Variants in MAPKAP1 observed in about 807,000 individuals in gnomAD.
The protein encoded by MAPKAP1 is MAPK associated protein 1, also known as target of rapamycin complex 2 subunit MAPKAP1.
MAPKAP1 carries 20 observed loss-of-function variants against 65.7 expected under a neutral mutation model. The ratio of observed to expected loss-of-function variants is 0.30; its 90% CI spans 0.21 to 0.44. The LOEUF (loss-of-function observed/expected upper bound fraction) is 0.44. Among genes scored for constraint, MAPKAP1 ranks in the 20% least tolerant of loss-of-function variants. MAPKAP1 has a pLI of 1.00. For synonymous variants in MAPKAP1, 222 were observed against 244.3 expected, an observed-to-expected ratio of 0.91 and a Z score of 0.85; for missense variants, 423 against 648.0, an observed-to-expected ratio of 0.65 and a Z score of 3.77.
chr9:125,642,901 T>C (rs1007272510), intron 4 of MAPKAP1, among the ~76,000 whole-genome samples: 2 of 151,966 alleles, frequency 1.3e-5, no homozygotes, highest in Non-Finnish European at 2.9e-5. Flanking sequence ...ATAATATATA[T>C]GCCTTTTTTT....
At chr9:125,590,776 T>C (rs377609625) in intron 4 of MAPKAP1, among the ~76,000 whole-genome samples, 1 of 152,036 alleles carries the variant, frequency 6.6e-6, no homozygotes, top group East Asian at 1.9e-4. Context: ...TAGGGTTCTA[T>C]CATAACTTTT....
chr9:125,692,944 A>T (rs1564619506), intron 1 of MAPKAP1, among the ~76,000 whole-genome samples: 1 of 152,210 alleles, frequency 6.6e-6, no homozygotes, highest in Non-Finnish European at 1.5e-5. Flanking sequence ...AAAGGTAACT[A>T]ACCTACATTT....
intron 8 of MAPKAP1, among the ~76,000 whole-genome samples, chr9:125,491,042 G>A (rs1176260804): frequency 6.6e-6 from 1 of 151,774 alleles, no homozygotes; most frequent in Non-Finnish European, 1.5e-5. Flanking sequence ...GGAGGCTGAG[G>A]CAGGAGAATC....
chr9:125,543,604 A>G (rs938206388), intron 6 of MAPKAP1, among the ~76,000 whole-genome samples: 3 of 152,210 alleles, frequency 2.0e-5, no homozygotes, highest in Non-Finnish European at 4.4e-5. Context: ...AAGTAAGTGC[A>G]TACTGAGGTG....
At chr9:125,663,192 A>G (rs1428191996) in intron 3 of MAPKAP1, among the ~76,000 whole-genome samples, 1 of 152,176 alleles carries the variant, frequency 6.6e-6, no homozygotes, top group Non-Finnish European at 1.5e-5. Context: ...GAACCCCACT[A>G]CTGACTTCTC....
chr9:125,472,262 G>C (rs149586461), intron 9 of MAPKAP1, among the ~76,000 whole-genome samples: 72 of 152,298 alleles, frequency 4.7e-4, no homozygotes, highest in Admixed American at 1.2e-3. Flanking sequence ...TTCAAACCCA[G>C]AGCTGCCTGG....
intron 7 of MAPKAP1, among the ~76,000 whole-genome samples, chr9:125,534,515 G>A (rs1168380758): frequency 6.6e-6 from 1 of 152,168 alleles, no homozygotes; most frequent in Non-Finnish European, 1.5e-5. Context: ...CCGATGAGTA[G>A]CTTCTACTCT....
At chr9:125,534,673 T>C (rs750972976) in intron 7 of MAPKAP1, among the ~76,000 whole-genome samples, 3 of 152,228 alleles carry the variant, frequency 2.0e-5, no homozygotes, top group Non-Finnish European at 2.9e-5. Flanking sequence ...TGATTATATA[T>C]TGCCCTTCTT....
chr9:125,653,357 G>A (rs1055667562), intron 4 of MAPKAP1, among the ~76,000 whole-genome samples: 1 of 152,190 alleles, frequency 6.6e-6, no homozygotes, highest in African/African-American at 2.4e-5. Context: ...TAAGTTTGAC[G>A]AAAAGTGGAA....
chr9:125,690,477 G>C (rs538517534), intron 1 of MAPKAP1, among the ~76,000 whole-genome samples: 6 of 152,340 alleles, frequency 3.9e-5, no homozygotes, highest in Admixed American at 2.0e-4. Flanking sequence ...CCTGGCATTC[G>C]TGGTGGGACC....
chr9:125,482,123 ACT>A (rs1472212129), intron 9 of MAPKAP1, among the ~76,000 whole-genome samples: 2 of 116,384 alleles, frequency 1.7e-5, no homozygotes, highest in African/African-American at 6.4e-5. Context: ...CAAAAGCAAA[ACT>A]CTGTCTAAAA....
At chr9:125,542,304 C>T (rs567916470) in intron 7 of MAPKAP1, among the ~76,000 whole-genome samples, 5 of 152,310 alleles carry the variant, frequency 3.3e-5, no homozygotes, top group Admixed American at 1.3e-4. Context: ...TTTTCTTCAA[C>T]CCCAGCAATG....
At chr9:125,518,277 G>T (rs1375463130) in intron 7 of MAPKAP1, among the ~76,000 whole-genome samples, 3 of 152,214 alleles carry the variant, frequency 2.0e-5, no homozygotes, top group Admixed American at 6.5e-5. Context: ...TATGGTTGTT[G>T]TAAGAATAAG....
intron 5 of MAPKAP1, among the ~76,000 whole-genome samples, chr9:125,580,136 CAAGGATCT>C (rs1488253534): frequency 2.0e-5 from 3 of 152,154 alleles, no homozygotes; most frequent in Non-Finnish European, 4.4e-5. Context: ...GGCGATTTCT[CAAGGATCT>C]AGAACTAGAA....
At chr9:125,449,106 A>G (rs1386287006) in intron 10 of MAPKAP1, among the ~76,000 whole-genome samples, 1 of 152,156 alleles carries the variant, frequency 6.6e-6, no homozygotes, top group African/African-American at 2.4e-5. Flanking sequence ...ATTATTTTGC[A>G]TTAATTGTTA....
chr9:125,532,538 T>C (rs1268852226), intron 7 of MAPKAP1, among the ~76,000 whole-genome samples: 1 of 152,252 alleles, frequency 6.6e-6, no homozygotes, highest in Non-Finnish European at 1.5e-5. Flanking sequence ...AACATCTGTC[T>C]CAACGGCCTC....
chr9:125,559,667 C>T lies in MAPKAP1; in HGVS notation c.814G>A (p.Gly272Ser), dbSNP rs1220951657. ...LALVEKYSSP[G>S]LTSKESLFVR... ...AAGAGTGACTCTTTGGATGTCAGAC[C>T]AGGAGATGAGTACTTTTCAACCAGG... The change falls in exon 6 of 12, where the codon GGT becomes AGT. Residue 272 changes from glycine to serine, a missense_variant. Around this residue, in one of 6 missense-constraint regions of MAPKAP1, gnomAD observed 98 missense variants for 200.5 expected, o/e 0.49. Coordinates refer to ENST00000265960, the MANE Select transcript of MAPKAP1 (RefSeq NM_001006617.3). 2.5e-6 allele frequency: 4 copies of T among 1,613,580 alleles called. No homozygotes were observed. Among genetic ancestry groups the T allele is most frequent in the Non-Finnish European group, 3.4e-6 (4 of 1,179,756 alleles).
intron 7 of MAPKAP1, among the ~76,000 whole-genome samples, chr9:125,532,201 T>C (rs1037957476): frequency 6.6e-6 from 1 of 152,234 alleles, no homozygotes; most frequent in Admixed American, 6.5e-5. Flanking sequence ...ACACTCCATG[T>C]GCTCTCTTTC....
chr9:125,664,356 T>TA (rs968182731), intron 3 of MAPKAP1, among the ~76,000 whole-genome samples: 45 of 141,366 alleles, frequency 3.2e-4, no homozygotes, highest in African/African-American at 6.3e-4. Context: ...TCAAAAAAAA[T>TA]AAAAAAAAAT....
Sources: allele counts gnomAD v4.1 joint callset (sites outside exome capture counted in the v4.1 genomes callset), GRCh38; gene constraint gnomAD v4.1.1; regional missense constraint gnomAD v4.1.1; transcripts MANE v1.5; gene names NCBI Gene and HGNC (gene_info 2026-07-23, HGNC 2026-07-21).